COL5A1: variants seen among roughly 807,000 people sequenced by gnomAD.
COL5A1 encodes collagen type V alpha 1 chain, also known as collagen alpha-1(V) chain.
In COL5A1, 16 loss-of-function variants were observed where a neutral mutation model predicts 263.7. The observed-to-expected ratio is 0.06, with a 90% confidence interval of 0.04 to 0.09. The LOEUF (loss-of-function observed/expected upper bound fraction) is 0.09. Ranked by LOEUF, COL5A1 falls within the 10% of genes least tolerant of loss-of-function variation. COL5A1 has a pLI of 1.00. For missense variants in COL5A1, 2,036 were observed against 2,540.5 expected, an observed-to-expected ratio of 0.80 and a Z score of 4.27; for synonymous variants, 1,012 against 1,004.5, an observed-to-expected ratio of 1.01 and a Z score of -0.14.
chr9:134,807,376 C>T (rs1384021556), intron 42 of COL5A1, among the ~76,000 whole-genome samples: 1 of 152,192 alleles, frequency 6.6e-6, no homozygotes, highest in East Asian at 1.9e-4. Flanking sequence ...TCACTGTGAC[C>T]TCCACCTCCT....
At chr9:134,809,028 A>T in intron 42 of COL5A1, 155 bp from the exon 43 acceptor site, 1 of 722,076 alleles carries the variant, frequency 1.4e-6, no homozygotes, top group South Asian at 1.5e-5. Context: ...GTCGGCCCTC[A>T]GTGGCCCTGG....
intron 2 of COL5A1, among the ~76,000 whole-genome samples, chr9:134,693,866 C>T (rs751908600): frequency 2.6e-5 from 4 of 152,060 alleles, no homozygotes; most frequent in South Asian, 2.1e-4. Flanking sequence ...TGCTTGGGAC[C>T]GACACGGTCT....
rs1833094732 is a variant in COL5A1, at chr9:134,686,798, C to A, written c.110-4114C>A. ...AAGCGAGGCTGTGCAGGATGCCTGACCCCTAGGTGCTGGGGGTAAACACTT... is the reference window on the plus strand; with the variant it reads ...AAGCGAGGCTGTGCAGGATGCCTGAACCCTAGGTGCTGGGGGTAAACACTT... On this transcript the variant is annotated intron_variant, in intron 1 of 65. Coordinates refer to ENST00000371817, the MANE Select transcript of COL5A1 (RefSeq NM_000093.5). The surrounding 1 kb of genome is among the most constrained non-coding windows in gnomAD (Gnocchi z 4.6). 6.6e-6 allele frequency among the ~76,000 whole-genome samples: 1 copy of A among 152,132 alleles called. No individual in the cohort carries two copies. The highest frequency in any genetic ancestry group is 1.5e-5 in the Non-Finnish European group (1 of 68,038).
At chr9:134,837,177 G>C (rs530778242) in intron 65 of COL5A1, among the ~76,000 whole-genome samples, 1 of 152,212 alleles carries the variant, frequency 6.6e-6, no homozygotes, top group Non-Finnish European at 1.5e-5. Flanking sequence ...AAACATGGAG[G>C]TGAAGAGAAA....
chr9:134,703,022 G>A (rs906411822), intron 4 of COL5A1, among the ~76,000 whole-genome samples: 1 of 152,208 alleles, frequency 6.6e-6, no homozygotes, highest in Non-Finnish European at 1.5e-5. Context: ...ACAGCCCCGC[G>A]GCCCAGTGCA....
intron 1 of COL5A1, among the ~76,000 whole-genome samples, chr9:134,646,716 G>A (rs1305642701): frequency 6.6e-6 from 1 of 152,184 alleles, no homozygotes; most frequent in Non-Finnish European, 1.5e-5. Flanking sequence ...CAGCTCCACA[G>A]CTGTGGATTA....
intron 1 of COL5A1, among the ~76,000 whole-genome samples, chr9:134,674,776 G>A (rs969304870): frequency 6.6e-6 from 1 of 152,142 alleles, no homozygotes; most frequent in African/African-American, 2.4e-5. Context: ...AGCTATTTGG[G>A]AAGCTGAGGC....
chr9:134,647,417 A>G lies in COL5A1; in HGVS notation c.109+5121A>G, dbSNP rs891550159. ...TGTGTCAGGCCGTGTGCACGTGTGG[A>G]CAATGTGTATATCTCCCCGCGATCT... On this transcript the variant is annotated intron_variant, in intron 1 of 65. Coordinates refer to ENST00000371817, the MANE Select transcript of COL5A1 (RefSeq NM_000093.5). This position sits in a 1 kb window ranked among gnomAD's most constrained non-coding sequence, Gnocchi z 5.0. Among the ~76,000 whole-genome samples the G allele has an allele frequency of 6.6e-6, 1 of 152,110 alleles. No homozygotes were observed. Among genetic ancestry groups the G allele is most frequent in the African/African-American group, 2.4e-5 (1 of 41,426 alleles).
At chr9:134,782,344 G>A (rs1837288381) in intron 28 of COL5A1, among the ~76,000 whole-genome samples, 1 of 152,246 alleles carries the variant, frequency 6.6e-6, no homozygotes, top group South Asian at 2.1e-4. Flanking sequence ...ACGCCACAGA[G>A]TGCACTGAGA....
At position 134,784,969 on chromosome 9, in the gene COL5A1, T is replaced by A. The variant is rs1457332135; in HGVS notation, c.2485-20T>A. On this transcript the variant is annotated intron_variant, in intron 29 of 65. Transcript: ENST00000371817. The stretch of plus-strand genomic sequence containing the variant: ...GTGTGCGGGGGGTGGTCTTCTCACC[T>A]CCTCTTTTCTGGCTTGCAGGGGGAG... 2.5e-6 allele frequency: 4 copies of A among 1,581,866 alleles called. No homozygotes were observed. The African/African-American group carries it at 4.0e-5, about 16-fold the overall frequency.
At chr9:134,790,509 C>T (rs62571368) in intron 32 of COL5A1, among the ~76,000 whole-genome samples, 22 of 94,074 alleles carry the variant, frequency 2.3e-4, no homozygotes, top group Admixed American at 9.8e-4. Context: ...CACCCACCCA[C>T]CCATCCATTC....
chr9:134,709,011 G>A (rs563303224), intron 4 of COL5A1: 58 of 453,754 alleles, frequency 1.3e-4, no homozygotes, highest in East Asian at 6.3e-4. Context: ...GACATTTGTC[G>A]TTGGATTTAG....
rs1835752982 is a variant in COL5A1 at position 134,750,867 on chromosome 9, T to A, written c.1647T>A (p.Ile549=). 5 of 1,613,156 alleles carry A rather than the reference T, an allele frequency of 3.1e-6. No homozygotes were observed. The East Asian group carries it at 1.1e-4, about 36-fold the overall frequency. ...CCCAGGAGTCCCAGGCGCAAGCCAT[T>A]CTCCAGCAGGCCAGGGTGAGTACTG... ...VSAQESQAQA[I]LQQARLALRG... is the part of the protein sequence containing the mutation. Residue 549 remains isoleucine (I), a synonymous_variant, in exon 13 of 66, where the codon ATT becomes ATA. Coordinates refer to ENST00000371817, the MANE Select transcript of COL5A1 (RefSeq NM_000093.5).
At chr9:134,694,850 G>A (rs1206966292) in intron 2 of COL5A1, among the ~76,000 whole-genome samples, 2 of 152,176 alleles carry the variant, frequency 1.3e-5, no homozygotes, top group African/African-American at 4.8e-5. Context: ...TCACGGTGAG[G>A]TGGCCTGAGA....
At position 134,842,214 on chromosome 9, in the gene COL5A1, G is replaced by C; in HGVS notation, c.5428G>C (p.Val1810Leu). 1 of 1,614,228 alleles carries C rather than the reference G, an allele frequency of 6.2e-7. No individual in the cohort carries two copies. Among genetic ancestry groups the C allele is most frequent in the Non-Finnish European group, 8.5e-7 (1 of 1,180,032 alleles). Residue 1810 changes from valine to leucine, a missense_variant, in exon 66 of 66, where the codon GTG (valine) becomes CTG (leucine). Coordinates refer to ENST00000371817, the MANE Select transcript of COL5A1 (RefSeq NM_000093.5). The surrounding 1 kb of genome is among the most constrained non-coding windows in gnomAD (Gnocchi z 5.8). ...LEIDTPKVEQVPIVDIMFNDF... is the reference protein window; with the variant it reads ...LEIDTPKVEQLPIVDIMFNDF... ...GATCGACACCCCCAAAGTGGAGCAGGTGCCCATCGTGGACATCATGTTCAA... is the reference window on the plus strand; with the variant it reads ...GATCGACACCCCCAAAGTGGAGCAGCTGCCCATCGTGGACATCATGTTCAA...
Position 134,679,766 on chromosome 9 carries a change from G to C in COL5A1, c.110-11146G>C, listed in dbSNP as rs112819463. ...CTTAAGGGGCACTGTGGGGCTGGTT[G>C]GGGGCACTGCGGAGGTGCCCCGGTG... On this transcript the variant is annotated intron_variant, in intron 1 of 65. Coordinates refer to ENST00000371817, the MANE Select transcript of COL5A1 (RefSeq NM_000093.5). Among the ~76,000 whole-genome samples the C allele has an allele frequency of 1.6e-3, 244 of 149,198 alleles. 5 individuals carry two copies. Among genetic ancestry groups the C allele is most frequent in the South Asian group, 6.8e-3 (32 of 4,714 alleles).
In COL5A1 at chr9:134,642,277, G is replaced by A. The variant is rs1183265822; in HGVS notation, c.90G>A (p.Ala30=). The change falls in exon 1 of 66, where the codon GCG becomes GCA. Residue 30 remains alanine (A), a synonymous_variant. Transcript: ENST00000371817. This position sits in a 1 kb window ranked among gnomAD's most constrained non-coding sequence, Gnocchi z 4.5. ...CGCTGCTGCTGCTGCTGCTGTGGGC[G>A]CCGCCTCCGAGCCGCGCAGGTAAGG... ...LPPLLLLLLW[A]PPPSRAAQPA... 4.2e-6 allele frequency: 5 copies of A among 1,178,608 alleles called. No homozygotes were observed. In the South Asian group the frequency reaches 1.0e-4, roughly 24 times the overall value. The allele number at this position is 1,178,608 out of a possible 1,614,324, so 73.0% of individuals were successfully genotyped here.
chr9:134,773,126 G>A (rs188716462), intron 26 of COL5A1, among the ~76,000 whole-genome samples: 1 of 152,352 alleles, frequency 6.6e-6, no homozygotes, highest in East Asian at 1.9e-4. Flanking sequence ...GCAGGGCAGT[G>A]TCTCCGTGTT....
chr9:134,814,363 G>T (rs1253244216), intron 49 of COL5A1, among the ~76,000 whole-genome samples: 1 of 152,214 alleles, frequency 6.6e-6, no homozygotes, highest in African/African-American at 2.4e-5. Context: ...GAATATCCAG[G>T]CCTTCTCAGG....
Sources: allele counts gnomAD v4.1 joint callset (sites outside exome capture counted in the v4.1 genomes callset), GRCh38; gene constraint gnomAD v4.1.1; non-coding constraint Gnocchi (gnomAD v3.1); transcripts MANE v1.5; gene names NCBI Gene and HGNC (gene_info 2026-07-23, HGNC 2026-07-21).